The following NR5A2 variants were observed in gnomAD, a reference collection of about 807,000 sequenced individuals.
NR5A2 encodes the protein CYP7A promoter-binding factor.
Under a neutral mutation model 62.7 loss-of-function variants are expected in NR5A2, and 26 were observed. The observed-to-expected ratio is 0.41, with a 90% CI of 0.30 to 0.58. The LOEUF (loss-of-function observed/expected upper bound fraction) is 0.58. Among genes scored for constraint, NR5A2 ranks in the 20% least tolerant of loss-of-function variants. The pLI is 0.22. For synonymous variants in NR5A2, 246 were observed against 241.7 expected, an observed-to-expected ratio of 1.02 and a Z score of -0.16; for missense variants, 541 against 669.1, an observed-to-expected ratio of 0.81 and a Z score of 2.11.
chr1:200,153,967 AAG>A (rs1211365378), intron 7 of NR5A2, among the ~76,000 whole-genome samples: 24 of 152,338 alleles, frequency 1.6e-4, no homozygotes, highest in South Asian at 1.0e-3. Context: ...ATATGTCAAA[AAG>A]AGGATTCTAA....
At chr1:200,087,741 T>TTTTTTA (rs1273149466) in intron 5 of NR5A2, among the ~76,000 whole-genome samples, 1 of 151,562 alleles carries the variant, frequency 6.6e-6, no homozygotes, top group African/African-American at 2.4e-5. Context: ...ACATTTTATT[T>TTTTTTA]TTTTTATTTT....
chr1:200,100,393 A>G (rs1665311806), intron 5 of NR5A2, among the ~76,000 whole-genome samples: 1 of 152,084 alleles, frequency 6.6e-6, no homozygotes, highest in African/African-American at 2.4e-5. Context: ...TGTTTTTAAT[A>G]GGGTGTCTGT....
rs140355608 is a variant in NR5A2, at chr1:200,032,760, A to C, written c.64+4849A>C. On this transcript the variant is annotated intron_variant, in intron 1 of 7. Coordinates refer to ENST00000367362, the MANE Select transcript of NR5A2 (RefSeq NM_205860.3). ...CTTTGTTAACCCAATTTTACTGATTAAAAAATGGAATCAGAGGTCAAGCAA... is the reference window on the plus strand; with the variant it reads ...CTTTGTTAACCCAATTTTACTGATTCAAAAATGGAATCAGAGGTCAAGCAA... Among the ~76,000 whole-genome samples the C allele has an allele frequency of 2.5e-3, 376 of 152,322 alleles. 1 individual carries two copies. Among genetic ancestry groups the C allele is most frequent in the African/African-American group, 8.6e-3 (358 of 41,574 alleles).
chr1:200,096,576 A>T (rs983738034), intron 5 of NR5A2, among the ~76,000 whole-genome samples: 5 of 152,202 alleles, frequency 3.3e-5, no homozygotes, highest in Non-Finnish European at 5.9e-5. Context: ...GAGTTGGCTG[A>T]ATTACCTTAT....
At chr1:200,105,573 G>T (rs140219456) in intron 5 of NR5A2, among the ~76,000 whole-genome samples, 1 of 152,098 alleles carries the variant, frequency 6.6e-6, no homozygotes, top group African/African-American at 2.4e-5. Context: ...CAAAATTAAC[G>T]ATCAGAAATA....
chr1:200,117,279 G>C (rs937590839), intron 6 of NR5A2, among the ~76,000 whole-genome samples: 1 of 152,204 alleles, frequency 6.6e-6, no homozygotes, highest in Non-Finnish European at 1.5e-5. Flanking sequence ...TAAAATGTAA[G>C]GAAGTTGGAG....
intron 1 of NR5A2, among the ~76,000 whole-genome samples, chr1:200,036,173 C>T (rs1198003382): frequency 6.6e-6 from 1 of 152,218 alleles, no homozygotes; most frequent in Non-Finnish European, 1.5e-5. Context: ...CACCTACTTA[C>T]ATCTCAACTG....
chr1:200,145,181 G>A (rs377414603), intron 7 of NR5A2, among the ~76,000 whole-genome samples: 124 of 152,202 alleles, frequency 8.1e-4, no homozygotes, highest in African/African-American at 2.8e-3. Context: ...GTGGTGTCAC[G>A]TGTCTGTAGT....
At chr1:200,150,631 A>C (rs1038622819) in intron 7 of NR5A2, among the ~76,000 whole-genome samples, 3 of 152,216 alleles carry the variant, frequency 2.0e-5, no homozygotes, top group African/African-American at 7.2e-5. Flanking sequence ...TGTCAAAAAA[A>C]ATATTCAGTG....
intron 5 of NR5A2, among the ~76,000 whole-genome samples, chr1:200,050,112 C>T (rs1662556746): frequency 1.3e-5 from 2 of 152,176 alleles, no homozygotes; most frequent in Non-Finnish European, 2.9e-5. Context: ...GCAGAATGCA[C>T]TGCGTTAGCA....
At chr1:200,153,908 C>G (rs1653252890) in intron 7 of NR5A2, among the ~76,000 whole-genome samples, 1 of 152,018 alleles carries the variant, frequency 6.6e-6, no homozygotes, top group South Asian at 2.1e-4. Context: ...ATTCCCTAAT[C>G]ATGTAAGATT....
intron 7 of NR5A2, 142 bp from the exon 8 acceptor site, chr1:200,173,821 G>A (rs1392675238): frequency 1.2e-6 from 1 of 822,108 alleles, no homozygotes; most frequent in African/African-American, 1.8e-5. Context: ...TTGGTGAGTG[G>A]GGTTTACTGA....
intron 7 of NR5A2, among the ~76,000 whole-genome samples, chr1:200,128,550 T>A (rs1390603320): frequency 6.6e-6 from 1 of 152,226 alleles, no homozygotes; most frequent in East Asian, 1.9e-4. Context: ...AGGATGTATT[T>A]TAACTGCTTG....
intron 7 of NR5A2, among the ~76,000 whole-genome samples, chr1:200,133,504 A>ACT: frequency 9.0e-6 from 1 of 110,720 alleles, no homozygotes; most frequent in Non-Finnish European, 1.8e-5. Flanking sequence ...TCACTGATGG[A>ACT]CTATATATAT....
At chr1:200,114,631 G>C (rs1462661298) in intron 6 of NR5A2, among the ~76,000 whole-genome samples, 3 of 152,196 alleles carry the variant, frequency 2.0e-5, no homozygotes, top group Non-Finnish European at 4.4e-5. Context: ...AGGAATTACA[G>C]GAAGTATTCT....
chr1:200,152,960 C>T (rs1316525418), intron 7 of NR5A2, among the ~76,000 whole-genome samples: 2 of 152,208 alleles, frequency 1.3e-5, no homozygotes, highest in East Asian at 3.8e-4. Context: ...GAGGAAGATC[C>T]TCTTTTCCCC....
At chr1:200,169,148 A>G (rs1654053186) in intron 7 of NR5A2, among the ~76,000 whole-genome samples, 1 of 152,172 alleles carries the variant, frequency 6.6e-6, no homozygotes, top group African/African-American at 2.4e-5. Context: ...GTTCAAGGCT[A>G]CAGTGAGCTA....
intron 6 of NR5A2, among the ~76,000 whole-genome samples, chr1:200,113,713 AG>A (rs1450822995): frequency 6.6e-6 from 1 of 152,222 alleles, no homozygotes; most frequent in African/African-American, 2.4e-5. Flanking sequence ...AATTTTTTTG[AG>A]AATTATAAAT....
chr1:200,095,848 G>A (rs952266117), intron 5 of NR5A2, among the ~76,000 whole-genome samples: 8 of 151,948 alleles, frequency 5.3e-5, no homozygotes, highest in Admixed American at 1.3e-4. Flanking sequence ...CCCCGCGCCC[G>A]GCCAGCAAGT....
Sources: allele counts gnomAD v4.1 joint callset (sites outside exome capture counted in the v4.1 genomes callset), GRCh38; gene constraint gnomAD v4.1.1; transcripts MANE v1.5; gene names NCBI Gene and HGNC (gene_info 2026-07-23, HGNC 2026-07-21).